Variants in FRMD4A observed in about 807,000 individuals in gnomAD.
FRMD4A encodes the protein FERM domain containing 4A, also known as FERM domain-containing protein 4A.
A neutral mutation model predicts 129.1 loss-of-function variants in FRMD4A; 29 were observed. That is an observed-to-expected ratio of 0.22 (90% CI 0.17 to 0.31). The LOEUF (loss-of-function observed/expected upper bound fraction) is 0.31, where lower values mean the gene tolerates loss of function less well. Ranked by LOEUF, FRMD4A falls within the 10% of genes least tolerant of loss-of-function variation. FRMD4A has a pLI of 1.00. For missense variants in FRMD4A, 1,272 were observed against 1,375.8 expected (o/e 0.92, Z 1.19); for synonymous variants, 634 against 571.6 (o/e 1.11, Z -1.56).
At chr10:13,781,769 G>C (rs1011420871) in intron 6 of FRMD4A, among the ~76,000 whole-genome samples, 5 of 152,072 alleles carry the variant, frequency 3.3e-5, no homozygotes, top group African/African-American at 9.7e-5. Context: ...TGAAGTACTA[G>C]AGTGGTTAAA....
chr10:14,240,766 C>T (rs964037551), intron 2 of FRMD4A, among the ~76,000 whole-genome samples: 1 of 152,202 alleles, frequency 6.6e-6, no homozygotes, highest in Admixed American at 6.5e-5. Flanking sequence ...CATTCGGCTT[C>T]ATTCTCTTTC....
intron 12 of FRMD4A, among the ~76,000 whole-genome samples, chr10:13,714,769 G>A (rs1411577241): frequency 6.6e-6 from 1 of 152,006 alleles, no homozygotes; most frequent in Non-Finnish European, 1.5e-5. Flanking sequence ...GCTGGGCATG[G>A]TGGCTCATGC....
At chr10:14,180,629 G>A (rs12261426) in intron 2 of FRMD4A, among the ~76,000 whole-genome samples, 12,481 of 152,192 alleles carry the variant, frequency 0.082, 923 homozygotes, top group African/African-American at 0.19. Context: ...ATTACTGTGT[G>A]GCACCAGGCA....
At chr10:14,159,792 G>A (rs954319504) in intron 2 of FRMD4A, among the ~76,000 whole-genome samples, 1 of 152,232 alleles carries the variant, frequency 6.6e-6, no homozygotes, top group African/African-American at 2.4e-5. Flanking sequence ...ACTCCCTCCT[G>A]TAATCCTCGC....
At chr10:13,765,101 A>ATTTT (rs10708906) in intron 6 of FRMD4A, among the ~76,000 whole-genome samples, 21 of 125,270 alleles carry the variant, frequency 1.7e-4, no homozygotes, top group South Asian at 2.4e-4. Flanking sequence ...TCAAGGATTG[A>ATTTT]TTTTTTTTTT....
chr10:13,904,024 C>A, intron 2 of FRMD4A, among the ~76,000 whole-genome samples: 1 of 152,136 alleles, frequency 6.6e-6, no homozygotes, highest in East Asian at 1.9e-4. Flanking sequence ...ATAATCGTGT[C>A]GCTCCACTTC....
intron 4 of FRMD4A, among the ~76,000 whole-genome samples, chr10:13,807,535 T>C (rs1456751660): frequency 6.7e-6 from 1 of 149,916 alleles, no homozygotes; most frequent in African/African-American, 2.4e-5. Context: ...AGACTTAGCA[T>C]TAATGCTGCA....
intron 2 of FRMD4A, among the ~76,000 whole-genome samples, chr10:14,165,621 A>G (rs1841131983): frequency 2.6e-5 from 4 of 152,222 alleles, no homozygotes; most frequent in African/African-American, 7.2e-5. Context: ...GCCCATCAAC[A>G]ACGACTGGAT....
intron 2 of FRMD4A, among the ~76,000 whole-genome samples, chr10:14,115,238 G>A (rs1257213933): frequency 6.6e-6 from 1 of 152,234 alleles, no homozygotes; most frequent in Non-Finnish European, 1.5e-5. Flanking sequence ...ATAGACACCT[G>A]TGCTGATGGC....
chr10:14,197,134 C>T (rs868602357), intron 2 of FRMD4A, among the ~76,000 whole-genome samples: 14 of 152,258 alleles, frequency 9.2e-5, no homozygotes, highest in Middle Eastern at 3.4e-3. Flanking sequence ...GGACAAGCAG[C>T]TCAACCCAGA....
chr10:14,051,096 T>C (rs548481712), intron 2 of FRMD4A, among the ~76,000 whole-genome samples: 1 of 152,366 alleles, frequency 6.6e-6, no homozygotes, highest in South Asian at 2.1e-4. Flanking sequence ...AAAGGCATTG[T>C]TGGACACCCG....
At position 14,118,066 on chromosome 10, in the gene FRMD4A, C is replaced by T. The variant is rs201565387; in HGVS notation, c.45+211992G>A. Among the ~76,000 whole-genome samples the T allele has an allele frequency of 7.9e-5, 12 of 152,124 alleles. No individual in the cohort carries two copies. In the East Asian group the frequency reaches 1.5e-3, roughly 20 times the overall value. On this transcript the variant is annotated intron_variant, in intron 2 of 24. Transcript: ENST00000357447. ...ATGCCAAAATTACCCAAGCAGTCAGCGCAGACCCTGCCACATGGTGATATT... is the reference window on the plus strand; with the variant it reads ...ATGCCAAAATTACCCAAGCAGTCAGTGCAGACCCTGCCACATGGTGATATT...
At chr10:14,025,299 C>CTTT (rs11422286) in intron 2 of FRMD4A, among the ~76,000 whole-genome samples, 6 of 147,586 alleles carry the variant, frequency 4.1e-5, no homozygotes, top group African/African-American at 1.2e-4. Context: ...CCAAAGTTTG[C>CTTT]TTTTTTTTTT....
At chr10:14,130,716 A>G (rs528707405) in intron 2 of FRMD4A, among the ~76,000 whole-genome samples, 1 of 152,308 alleles carries the variant, frequency 6.6e-6, no homozygotes, top group South Asian at 2.1e-4. Context: ...AACTGTACAT[A>G]AGCCGTACAA....
intron 3 of FRMD4A, among the ~76,000 whole-genome samples, chr10:13,835,848 T>A (rs1476031211): frequency 2.0e-5 from 3 of 152,188 alleles, no homozygotes; most frequent in Non-Finnish European, 4.4e-5. Context: ...CCCCTCCCCC[T>A]TTCACCAGTC....
chr10:14,203,561 G>T (rs1176943396), intron 2 of FRMD4A, among the ~76,000 whole-genome samples: 1 of 152,194 alleles, frequency 6.6e-6, no homozygotes, highest in Non-Finnish European at 1.5e-5. Flanking sequence ...TAAACCTAAA[G>T]AACAGACATT....
chr10:14,294,190 T>C (rs1845936955), intron 2 of FRMD4A, among the ~76,000 whole-genome samples: 1 of 152,214 alleles, frequency 6.6e-6, no homozygotes, highest in Admixed American at 6.5e-5. Flanking sequence ...GTTTATTTTA[T>C]TCTTCTTCTT....
At chr10:14,281,267 C>T (rs180792952) in intron 2 of FRMD4A, among the ~76,000 whole-genome samples, 2 of 152,302 alleles carry the variant, frequency 1.3e-5, no homozygotes, top group Admixed American at 6.5e-5. Context: ...GCTGGGATTA[C>T]AGACGTGAGC....
intron 2 of FRMD4A, among the ~76,000 whole-genome samples, chr10:13,899,419 C>T (rs1301063323): frequency 3.3e-5 from 5 of 152,066 alleles, no homozygotes; most frequent in Non-Finnish European, 7.3e-5. Flanking sequence ...GCTTTCCAAA[C>T]TTTAATTTAA....
Sources: gnomAD v4.1 joint callset for allele counts (sites outside exome capture counted in the v4.1 genomes callset) on GRCh38, gnomAD v4.1.1 for gene constraint, MANE v1.5 for transcripts, NCBI Gene and HGNC (gene_info 2026-07-23, HGNC 2026-07-21) for gene names.